Variants in RLF observed in about 807,000 individuals in gnomAD.
The protein encoded by RLF is RLF zinc finger, also known as zinc finger protein Rlf.
RLF carries 7 observed loss-of-function variants against 162.9 expected under a neutral mutation model. That is an observed-to-expected ratio of 0.04 (90% CI 0.02 to 0.08). The LOEUF (loss-of-function observed/expected upper bound fraction) is 0.08. Among genes scored for constraint, RLF ranks in the 10% least tolerant of loss-of-function variants. The pLI is 1.00. For synonymous variants in RLF, 782 were observed against 791.5 expected, an observed-to-expected ratio of 0.99 and a Z score of 0.20; for missense variants, 1,664 against 2,244.7, an observed-to-expected ratio of 0.74 and a Z score of 5.23.
intron 1 of RLF, among the ~76,000 whole-genome samples, chr1:40,182,570 T>TA (rs1642417972): frequency 6.6e-6 from 1 of 152,230 alleles, no homozygotes; most frequent in Non-Finnish European, 1.5e-5. Context: ...AATGTTATGT[T>TA]ACTTTTATGA....
intron 6 of RLF, among the ~76,000 whole-genome samples, chr1:40,223,834 G>T (rs1302264273): frequency 6.6e-6 from 1 of 152,206 alleles, no homozygotes; most frequent in East Asian, 1.9e-4. Context: ...TGAGATTCAA[G>T]CCCAGGTTTT....
At chr1:40,200,387 G>T (rs1642695714) in intron 4 of RLF, among the ~76,000 whole-genome samples, 1 of 151,786 alleles carries the variant, frequency 6.6e-6, no homozygotes, top group African/African-American at 2.4e-5. Context: ...ACATGTTTCA[G>T]ATTACCTGTA....
intron 4 of RLF, among the ~76,000 whole-genome samples, chr1:40,200,224 G>A (rs574483376): frequency 6.6e-6 from 1 of 152,332 alleles, no homozygotes; most frequent in East Asian, 1.9e-4. Context: ...TTTTTGAAGT[G>A]CCTTAGGAAA....
At position 40,239,999 on chromosome 1, in the gene RLF, C is replaced by G; in HGVS notation, c.5297C>G (p.Pro1766Arg). ...PRSFDLKTYK[P>R]MGFESSFLKF... is the part of the protein sequence containing the mutation. The stretch of plus-strand genomic sequence containing the variant: ...TCATTTGATTTGAAGACTTACAAAC[C>G]TATGGGATTTGAATCTTCATTTCTG... The change falls in exon 8 of 8, where the codon CCT becomes CGT. Residue 1766 changes from proline to arginine, a missense_variant. This residue lies in a region of RLF where 327 missense variants were observed against 342.7 expected (regional missense o/e 0.95). Coordinates refer to ENST00000372771, the MANE Select transcript of RLF (RefSeq NM_012421.4). The G allele has an allele frequency of 6.2e-7, 1 of 1,613,892 alleles. No homozygotes were observed.
At chr1:40,205,682 G>A (rs936548152) in intron 5 of RLF, among the ~76,000 whole-genome samples, 2 of 151,706 alleles carry the variant, frequency 1.3e-5, no homozygotes, top group African/African-American at 2.4e-5. Flanking sequence ...TAGTAGAGAC[G>A]GGGTTTCACC....
At chr1:40,172,772 A>T (rs542955257) in intron 1 of RLF, among the ~76,000 whole-genome samples, 2 of 152,310 alleles carry the variant, frequency 1.3e-5, no homozygotes, top group East Asian at 3.9e-4. Flanking sequence ...ACTCAAAAAC[A>T]AAAATGACTG....
chr1:40,202,398 T>G lies in RLF; in HGVS notation c.608-14T>G. On this transcript the variant is annotated splice_polypyrimidine_tract_variant and intron_variant, in intron 4 of 7. Transcript: ENST00000372771. Reference sequence around the variant, plus strand: ...GGTATGTTGTCAAACTGTTTTATTTTTCATTTTTTCTAGTCAATAAATTGA... The same window carrying G: ...GGTATGTTGTCAAACTGTTTTATTTGTCATTTTTTCTAGTCAATAAATTGA... 6.4e-7 allele frequency: 1 copy of G among 1,551,706 alleles called. No individual in the cohort carries two copies. Among genetic ancestry groups the G allele is most frequent in the Non-Finnish European group, 8.7e-7 (1 of 1,149,392 alleles).
At chr1:40,209,741 G>T (rs1304890857) in intron 5 of RLF, among the ~76,000 whole-genome samples, 1 of 152,098 alleles carries the variant, frequency 6.6e-6, no homozygotes, top group Non-Finnish European at 1.5e-5. Context: ...GTCAGGTGTG[G>T]TGGTGTGCGC....
intron 5 of RLF, among the ~76,000 whole-genome samples, chr1:40,212,961 TTTAA>T (rs1387695769): frequency 1.3e-5 from 2 of 152,108 alleles, no homozygotes; most frequent in African/African-American, 4.8e-5. Flanking sequence ...TTACAAAAGG[TTTAA>T]TTAAGTTTAA....
At position 40,221,899 on chromosome 1, in the gene RLF, C is replaced by CAAAAAAAAAAAAAAAAAAAAA. The variant is rs895455745; in HGVS notation, c.811-656_811-655insAAAAAAAAAAAAAAAAAAAAA. On this transcript the variant is annotated intron_variant, in intron 5 of 7. Transcript: ENST00000372771. ...TGGGCGACACAGCGAGACTCCGTCT[C>CAAAAAAAAAAAAAAAAAAAAA]AAAAAAAAAAAAAAAAAAAGAGAAA... Among the ~76,000 whole-genome samples, 70 of 64,994 alleles carry CAAAAAAAAAAAAAAAAAAAAA rather than the reference C, an allele frequency of 1.1e-3. 2 individuals carry two copies. Among genetic ancestry groups the CAAAAAAAAAAAAAAAAAAAAA allele is most frequent in the East Asian group, 2.0e-3 (4 of 1,954 alleles). The allele number at this position is 64,994 out of a possible 152,430, so 42.6% of individuals were successfully genotyped here. A position where few individuals can be genotyped will look rare whatever the true frequency, so the allele number is the denominator to read the frequency against.
intron 4 of RLF, among the ~76,000 whole-genome samples, chr1:40,200,008 C>T (rs752614629): frequency 6.6e-6 from 1 of 152,094 alleles, no homozygotes; most frequent in Admixed American, 6.6e-5. Flanking sequence ...AGGGTATGAC[C>T]GTGAGTTCAT....
intron 1 of RLF, among the ~76,000 whole-genome samples, chr1:40,164,526 T>C (rs966851907): frequency 2.0e-5 from 3 of 152,232 alleles, no homozygotes; most frequent in Non-Finnish European, 1.5e-5. Context: ...GACTATGGGA[T>C]GTGGTTTGTT....
At chr1:40,204,292 GGCGTGAGCCAC>G (rs771012800) in intron 5 of RLF, among the ~76,000 whole-genome samples, 2 of 152,074 alleles carry the variant, frequency 1.3e-5, no homozygotes, top group Non-Finnish European at 2.9e-5. Flanking sequence ...TGGGATTACA[GGCGTGAGCCAC>G]TGCTCCCGGC....
At chr1:40,175,466 T>C (rs993160902) in intron 1 of RLF, among the ~76,000 whole-genome samples, 4 of 152,018 alleles carry the variant, frequency 2.6e-5, no homozygotes, top group African/African-American at 4.8e-5. Context: ...CTGGCCAGTA[T>C]GGTGAAACCC....
chr1:40,190,025 C>T (rs1393155017), intron 2 of RLF, among the ~76,000 whole-genome samples: 1 of 152,026 alleles, frequency 6.6e-6, no homozygotes, highest in Non-Finnish European at 1.5e-5. Context: ...CACCTGTTTT[C>T]CTTCCTATTT....
chr1:40,205,556 C>T (rs141528945), intron 5 of RLF, among the ~76,000 whole-genome samples: 1,709 of 133,512 alleles, frequency 0.013, 33 homozygotes, highest in African/African-American at 0.047. Flanking sequence ...GTGGCACGAT[C>T]TTGGCTCGCT....
chr1:40,239,610 C>A lies in RLF; in HGVS notation c.4908C>A (p.Ile1636=), dbSNP rs749106389. ...SHSPGDSSAP[I]QNTDCCHSSE... Reference sequence around the variant, plus strand: ...CCCCGGGTGACAGTAGTGCACCCATCCAGAACACTGATTGCTGTCATTCAA... The same window carrying A: ...CCCCGGGTGACAGTAGTGCACCCATACAGAACACTGATTGCTGTCATTCAA... The change falls in exon 8 of 8, where the codon ATC becomes ATA. Residue 1636 remains isoleucine, a synonymous_variant. Coordinates refer to ENST00000372771, the MANE Select transcript of RLF (RefSeq NM_012421.4). 28 of 1,614,004 alleles carry A rather than the reference C, an allele frequency of 1.7e-5. No homozygotes were observed. The South Asian group carries it at 2.6e-4, about 15-fold the overall frequency.
chr1:40,219,374 G>A (rs927781355), intron 5 of RLF, among the ~76,000 whole-genome samples: 2 of 152,102 alleles, frequency 1.3e-5, no homozygotes, highest in East Asian at 1.9e-4. Context: ...TATAAAATAA[G>A]ATCTAGTATC....
chr1:40,220,037 G>T (rs1256565936), intron 5 of RLF, among the ~76,000 whole-genome samples: 2 of 152,192 alleles, frequency 1.3e-5, no homozygotes, highest in South Asian at 4.1e-4. Context: ...ATGAGGTCAG[G>T]AGATTGAGAC....
Sources: gnomAD v4.1 joint callset for allele counts (sites outside exome capture counted in the v4.1 genomes callset) on GRCh38, gnomAD v4.1.1 for gene constraint, gnomAD v4.1.1 regional missense constraint, MANE v1.5 for transcripts, NCBI Gene and HGNC (gene_info 2026-07-23, HGNC 2026-07-21) for gene names.